The following ELP4 variants were observed in gnomAD, a reference collection of about 807,000 sequenced individuals.
ELP4 encodes elongator acetyltransferase complex subunit 4.
A neutral mutation model predicts 48.9 loss-of-function variants in ELP4; 51 were observed. That is an observed-to-expected ratio of 1.04 (90% CI 0.83 to 1.32). ELP4 has a LOEUF of 1.32. Among genes scored for constraint, ELP4 ranks in the 40% most tolerant of loss-of-function variants. ELP4 has a pLI of 0.00. For synonymous variants in ELP4, 210 were observed against 189.2 expected, an observed-to-expected ratio of 1.11 and a Z score of -0.90; for missense variants, 519 against 514.6, an observed-to-expected ratio of 1.01 and a Z score of -0.08.
chr11:31,689,420 G>A (rs762508550), intron 9 of ELP4: 1 of 148,944 alleles, frequency 6.7e-6, no homozygotes, highest in African/African-American at 2.5e-5. Flanking sequence ...CTTCATCCTG[G>A]GCCACAAAAT....
chr11:31,628,932 T>A (rs1357531168), intron 6 of ELP4, among the ~76,000 whole-genome samples: 1 of 152,068 alleles, frequency 6.6e-6, no homozygotes, highest in Non-Finnish European at 1.5e-5. Context: ...TCAAAAATAA[T>A]GTTCTGACAT....
intron 9 of ELP4, among the ~76,000 whole-genome samples, chr11:31,686,351 G>A (rs1169019892): frequency 7.7e-6 from 1 of 129,832 alleles, no homozygotes; most frequent in South Asian, 2.5e-4. Flanking sequence ...TTTTTGGTAT[G>A]GAATAGCTTC....
At chr11:31,645,267 T>C (rs540299711) in intron 7 of ELP4, among the ~76,000 whole-genome samples, 45 of 151,892 alleles carry the variant, frequency 3.0e-4, no homozygotes, top group African/African-American at 1.1e-3. Flanking sequence ...TCAGTTAGAA[T>C]TCACTAGTTT....
intron 2 of ELP4, among the ~76,000 whole-genome samples, chr11:31,533,399 A>G (rs1158619492): frequency 3.9e-5 from 2 of 51,416 alleles, no homozygotes; most frequent in African/African-American, 1.3e-4. Context: ...TTTTTTTGTG[A>G]CAGAGTCTCG....
At chr11:31,520,728 A>G (rs1172589186) in intron 2 of ELP4, among the ~76,000 whole-genome samples, 4 of 152,106 alleles carry the variant, frequency 2.6e-5, no homozygotes, top group African/African-American at 7.2e-5. Flanking sequence ...ATATAAATTT[A>G]CGTAGTTTTT....
intron 2 of ELP4, among the ~76,000 whole-genome samples, chr11:31,533,141 C>G (rs749863187): frequency 6.6e-6 from 1 of 152,044 alleles, no homozygotes; most frequent in African/African-American, 2.4e-5. Flanking sequence ...CATGTTATCA[C>G]CCAAATGGTG....
At chr11:31,549,317 G>A (rs1360411725) in intron 3 of ELP4, among the ~76,000 whole-genome samples, 2 of 152,046 alleles carry the variant, frequency 1.3e-5, no homozygotes, top group African/African-American at 4.8e-5. Context: ...CCATCAATAA[G>A]TGGGCGAAGG....
At chr11:31,698,439 G>A (rs1191465432) in intron 9 of ELP4, among the ~76,000 whole-genome samples, 1 of 151,940 alleles carries the variant, frequency 6.6e-6, no homozygotes. Flanking sequence ...TTGAGACAGG[G>A]TTTCACTTTG....
At chr11:31,703,056 G>A (rs1052594647) in intron 9 of ELP4, among the ~76,000 whole-genome samples, 1 of 152,130 alleles carries the variant, frequency 6.6e-6, no homozygotes, top group Admixed American at 6.6e-5. Context: ...GTTGTCCTTT[G>A]GGGGCTGCAT....
chr11:31,627,564 A>C (rs996273940), intron 6 of ELP4, among the ~76,000 whole-genome samples: 2 of 152,056 alleles, frequency 1.3e-5, no homozygotes, highest in Non-Finnish European at 2.9e-5. Context: ...CCTTATTTCA[A>C]ATTACCTTAT....
intron 7 of ELP4, among the ~76,000 whole-genome samples, chr11:31,634,839 A>G (rs1944938823): frequency 6.6e-6 from 1 of 152,022 alleles, no homozygotes; most frequent in Non-Finnish European, 1.5e-5. Flanking sequence ...ATGAGTATAA[A>G]GTTATATAGT....
At chr11:31,731,162 CA>C (rs1391931244) in intron 9 of ELP4, among the ~76,000 whole-genome samples, 20 of 151,974 alleles carry the variant, frequency 1.3e-4, no homozygotes, top group Admixed American at 1.3e-3. Flanking sequence ...TAGATACCAA[CA>C]CAAAGTTATA....
At chr11:31,687,273 G>A (rs1162231433) in intron 9 of ELP4, among the ~76,000 whole-genome samples, 2 of 152,158 alleles carry the variant, frequency 1.3e-5, no homozygotes, top group East Asian at 1.9e-4. Context: ...GGGAATCATT[G>A]TTATATAGCT....
intron 9 of ELP4, among the ~76,000 whole-genome samples, chr11:31,661,015 A>G (rs904599644): frequency 7.9e-5 from 12 of 152,108 alleles, no homozygotes; most frequent in Non-Finnish European, 1.6e-4. Flanking sequence ...ATGTATGTAT[A>G]TTTGTGAGAT....
At position 31,647,429 on chromosome 11, in the gene ELP4, G is replaced by A. The variant is rs918626520; in HGVS notation, c.928-312G>A. The A allele has an allele frequency of 2.2e-5, 5 of 226,598 alleles. No individual in the cohort carries two copies. The East Asian group carries it at 5.9e-4, about 27-fold the overall frequency. 14.0% of individuals were successfully genotyped at this position (226,598 alleles called of 1,614,324 possible). A position where few individuals can be genotyped will look rare whatever the true frequency, so the allele number is the denominator to read the frequency against. On this transcript the variant is annotated intron_variant, in intron 7 of 9. Transcript: ENST00000640961. Reference sequence around the variant, plus strand: ...CATGTATGAGAATAAAGGTAGTCTTGTTCCTTAATACAAGTGAAAAATAAT... The same window carrying A: ...CATGTATGAGAATAAAGGTAGTCTTATTCCTTAATACAAGTGAAAAATAAT...
chr11:31,681,491 A>T (rs1005747302), intron 9 of ELP4, among the ~76,000 whole-genome samples: 3 of 152,212 alleles, frequency 2.0e-5, no homozygotes, highest in African/African-American at 7.2e-5. Context: ...AAGAGATTAG[A>T]TAGATGTGCA....
At chr11:31,734,438 G>A (rs889250769) in intron 9 of ELP4, among the ~76,000 whole-genome samples, 3 of 152,118 alleles carry the variant, frequency 2.0e-5, no homozygotes, top group African/African-American at 7.2e-5. Flanking sequence ...TGTTTAAGAT[G>A]ACATCTTATA....
intron 9 of ELP4, among the ~76,000 whole-genome samples, chr11:31,683,139 GT>G (rs35107624): frequency 0.27 from 41,318 of 151,836 alleles, 5,968 homozygotes; most frequent in African/African-American, 0.36. Context: ...TTTGTATCCT[GT>G]TTTATTAACA....
intron 9 of ELP4, among the ~76,000 whole-genome samples, chr11:31,755,975 A>G (rs775573308): frequency 1.1e-4 from 16 of 152,236 alleles, no homozygotes; most frequent in Non-Finnish European, 1.5e-4. Context: ...ACTTTTTGGT[A>G]GATCCTCTGA....
Sources: gnomAD v4.1 joint callset for allele counts (sites outside exome capture counted in the v4.1 genomes callset) on GRCh38, gnomAD v4.1.1 for gene constraint, MANE v1.5 for transcripts, NCBI Gene and HGNC (gene_info 2026-07-23, HGNC 2026-07-21) for gene names.